Variants in PLB1 observed in about 807,000 individuals in gnomAD.
PLB1 encodes phospholipase B1, membrane-associated.
PLB1 carries 242 observed loss-of-function variants against 227.4 expected under a neutral mutation model. The observed-to-expected ratio is 1.06, with a 90% CI of 0.96 to 1.18. The LOEUF is 1.18. PLB1 is among the 50% of genes most tolerant of loss of function. The probability of loss-of-function intolerance (pLI) is 0.00; values close to 1 mark genes in which losing one functional copy is unlikely to be tolerated. For missense variants in PLB1, 1,858 were observed against 1,816.3 expected (o/e 1.02, Z -0.42); for synonymous variants, 757 against 682.2 (o/e 1.11, Z -1.71).
chr2:28,592,242 C>T (rs768433564), intron 31 of PLB1, among the ~76,000 whole-genome samples: 21 of 152,286 alleles, frequency 1.4e-4, no homozygotes, highest in South Asian at 4.1e-4. Flanking sequence ...ACGGGCTGCA[C>T]GTCAGGTCCT....
chr2:28,553,060 C>T (rs1674501786), intron 17 of PLB1, 69 bp downstream of exon 17: 1 of 1,360,536 alleles, frequency 7.4e-7, no homozygotes, highest in Non-Finnish European at 1.1e-6. Context: ...AAGGGCTTTC[C>T]ACATAACCTG....
intron 54 of PLB1, 148 bp from the exon 55 acceptor site, chr2:28,631,887 AT>A: frequency 1.6e-6 from 1 of 631,566 alleles, no homozygotes; most frequent in South Asian, 1.9e-5. Flanking sequence ...GAATAAAAGT[AT>A]GTTTGCATCC....
chr2:28,524,303 A>G (rs4334451), intron 4 of PLB1, among the ~76,000 whole-genome samples: 33,203 of 152,098 alleles, frequency 0.22, 3,730 homozygotes, highest in East Asian at 0.38. Flanking sequence ...AAGATTTGCT[A>G]AGTATTTTAT....
chr2:28,631,894 C>T, intron 54 of PLB1, 142 bp from the exon 55 acceptor site: 1 of 647,160 alleles, frequency 1.5e-6, no homozygotes, highest in Non-Finnish European at 2.8e-6. Context: ...AGTATGTTTG[C>T]ATCCCACTAG....
At chr2:28,576,161 G>T (rs1220171615) in intron 21 of PLB1, among the ~76,000 whole-genome samples, 2 of 152,172 alleles carry the variant, frequency 1.3e-5, no homozygotes, top group African/African-American at 2.4e-5. Flanking sequence ...GCACATCCTG[G>T]GTGGCAGGGA....
chr2:28,592,252 T>C (rs1389078353), intron 31 of PLB1, among the ~76,000 whole-genome samples: 1 of 152,198 alleles, frequency 6.6e-6, no homozygotes, highest in Non-Finnish European at 1.5e-5. Context: ...CGTCAGGTCC[T>C]GCACCTCGTC....
In PLB1 at chr2:28,643,004, C is replaced by G; in HGVS notation, c.4320C>G (p.Cys1440Trp). The G allele has an allele frequency of 6.2e-7, 1 of 1,611,178 alleles. No homozygotes were observed. Among genetic ancestry groups the G allele is most frequent in the Non-Finnish European group, 8.5e-7 (1 of 1,178,908 alleles). ...TCATCGGGACAGTGGTCTGGAGGTGCAGGAGAGGTGGCCGGAGGGAAGATC... is the reference window on the plus strand; with the variant it reads ...TCATCGGGACAGTGGTCTGGAGGTGGAGGAGAGGTGGCCGGAGGGAAGATC... ...VGIIGTVVWR[C>W]RRGGRREDPP... The change falls in exon 58 of 58, where the codon TGC becomes TGG. Residue 1440 changes from cysteine (C) to tryptophan (W), a missense_variant. Transcript: ENST00000327757.
chr2:28,601,716 A>G (rs1683933920), intron 37 of PLB1, among the ~76,000 whole-genome samples, 183 bp from the exon 38 acceptor site: 1 of 152,204 alleles, frequency 6.6e-6, no homozygotes, highest in African/African-American at 2.4e-5. Context: ...CCACTGGCCC[A>G]TCTTTGACAA....
chr2:28,591,363 C>T (rs895703455), intron 30 of PLB1, among the ~76,000 whole-genome samples, 192 bp downstream of exon 30: 1 of 152,224 alleles, frequency 6.6e-6, no homozygotes, highest in African/African-American at 2.4e-5. Flanking sequence ...GGCATCCAGC[C>T]AACCCAATCA....
chr2:28,566,656 T>C, intron 19 of PLB1, 140 bp from the exon 20 acceptor site: 1 of 891,674 alleles, frequency 1.1e-6, no homozygotes. Flanking sequence ...TCCGTTTTTC[T>C]ACTGAAGTGA....
chr2:28,560,791 G>A (rs1038748637), intron 17 of PLB1, among the ~76,000 whole-genome samples: 3 of 152,122 alleles, frequency 2.0e-5, no homozygotes, highest in African/African-American at 7.2e-5. Context: ...AATCTATAGA[G>A]GCAGAAAGCA....
chr2:28,607,826 C>T (rs1170883136), intron 43 of PLB1, among the ~76,000 whole-genome samples: 1 of 152,134 alleles, frequency 6.6e-6, no homozygotes, highest in East Asian at 1.9e-4. Flanking sequence ...ACCCTATAGC[C>T]ATACTGAATA....
chr2:28,540,295 G>T (rs79305120), intron 11 of PLB1, 71 bp from the exon 12 acceptor site: 1 of 1,286,772 alleles, frequency 7.8e-7, no homozygotes. Flanking sequence ...CATAAGAGGC[G>T]GGCTGGATGC....
chr2:28,539,071 TC>T (rs1553413029), intron 10 of PLB1, 27 bp from the exon 11 acceptor site: 1 of 1,589,298 alleles, frequency 6.3e-7, no homozygotes, highest in Non-Finnish European at 8.6e-7. Flanking sequence ...TGGCAAATAC[TC>T]ACCTCCCTCT....
intron 44 of PLB1, among the ~76,000 whole-genome samples, chr2:28,617,248 T>G (rs1454326704): frequency 1.3e-5 from 2 of 152,238 alleles, no homozygotes; most frequent in African/African-American, 4.8e-5. Context: ...TTAAAATATT[T>G]TGTGTTATTA....
chr2:28,619,501 A>T (rs1573478775), intron 46 of PLB1, among the ~76,000 whole-genome samples: 1 of 143,854 alleles, frequency 7.0e-6, no homozygotes, highest in African/African-American at 2.6e-5. Flanking sequence ...CACATCTGTT[A>T]CTTTTGTAAA....
intron 9 of PLB1, among the ~76,000 whole-genome samples, chr2:28,537,121 C>T (rs757340453): frequency 4.6e-5 from 7 of 152,142 alleles, no homozygotes; most frequent in Admixed American, 1.3e-4. Flanking sequence ...CTGGCTGACC[C>T]GGCCTCCCAG....
intron 4 of PLB1, among the ~76,000 whole-genome samples, chr2:28,523,790 C>T (rs1406379025): frequency 6.6e-6 from 1 of 152,358 alleles, no homozygotes; most frequent in East Asian, 1.9e-4. Flanking sequence ...GCTGCCAACA[C>T]TGAAATCAGA....
chr2:28,629,248 C>A, intron 53 of PLB1, 63 bp downstream of exon 53: 1 of 1,500,838 alleles, frequency 6.7e-7, no homozygotes, highest in Non-Finnish European at 9.1e-7. Context: ...TTGCAGGTGC[C>A]AAAGGAGGAG....
Sources: gnomAD v4.1 joint callset for allele counts (sites outside exome capture counted in the v4.1 genomes callset) on GRCh38, gnomAD v4.1.1 for gene constraint, MANE v1.5 for transcripts, NCBI Gene and HGNC (gene_info 2026-07-23, HGNC 2026-07-21) for gene names.